TBXAS1: variants seen among roughly 807,000 people sequenced by gnomAD.
The protein encoded by TBXAS1 is thromboxane-A synthase.
A neutral mutation model predicts 60.7 loss-of-function variants in TBXAS1; 48 were observed. The observed-to-expected ratio is 0.79, with a 90% CI of 0.63 to 1.01. The LOEUF (loss-of-function observed/expected upper bound fraction) is 1.01, where lower values mean the gene tolerates loss of function less well. Ranked by LOEUF, TBXAS1 falls within the 50% of genes least tolerant of loss-of-function variation. TBXAS1 has a pLI of 0.00. For synonymous variants in TBXAS1, 287 were observed against 269.7 expected, an observed-to-expected ratio of 1.06 and a Z score of -0.63; for missense variants, 685 against 686.3, an observed-to-expected ratio of 1.00 and a Z score of 0.02.
intron 6 of TBXAS1, among the ~76,000 whole-genome samples, chr7:139,953,944 G>A (rs1365027424): frequency 6.6e-6 from 1 of 152,150 alleles, no homozygotes; most frequent in South Asian, 2.1e-4. Flanking sequence ...GCCACAAGCA[G>A]CCCAGGATGG....
chr7:139,885,869 A>G (rs924202205), intron 3 of TBXAS1, among the ~76,000 whole-genome samples: 15 of 152,322 alleles, frequency 9.8e-5, no homozygotes, highest in Non-Finnish European at 1.8e-4. Context: ...TTAACTCCAG[A>G]TACTAGTGTG....
chr7:139,934,201 T>C (rs146431545), intron 4 of TBXAS1, among the ~76,000 whole-genome samples: 69 of 152,288 alleles, frequency 4.5e-4, no homozygotes, highest in African/African-American at 1.6e-3. Context: ...TCTTTTGTTT[T>C]TTTTGAGATG....
intron 1 of TBXAS1, among the ~76,000 whole-genome samples, chr7:139,867,932 G>A (rs576379407): frequency 6.6e-6 from 1 of 152,302 alleles, no homozygotes; most frequent in South Asian, 2.1e-4. Flanking sequence ...TTTTGAGAAT[G>A]ATCCAGTGGC....
intron 4 of TBXAS1, among the ~76,000 whole-genome samples, chr7:139,929,163 A>C (rs1196422522): frequency 6.6e-6 from 1 of 152,246 alleles, no homozygotes; most frequent in Non-Finnish European, 1.5e-5. Context: ...GCCGCAAAAG[A>C]AATAGCACTC....
intron 9 of TBXAS1, among the ~76,000 whole-genome samples, chr7:139,989,534 A>G (rs551285617): frequency 6.6e-6 from 1 of 152,334 alleles, no homozygotes; most frequent in East Asian, 1.9e-4. Flanking sequence ...CACTAGCCAG[A>G]GCAATCTACC....
In TBXAS1 at chr7:140,007,123, C is replaced by G. The variant is rs760866236; in HGVS notation, c.1167C>G (p.Gly389=). The change falls in exon 10 of 13, where the codon GGC becomes GGG. Residue 389 remains glycine, a synonymous_variant. Coordinates refer to ENST00000448866, the MANE Select transcript of TBXAS1 (RefSeq NM_001061.7). ...MAPEFCSLEE[G]LPYLDMVIAE... ...CTGAGTTCTGCAGCCTCGAGGAAGGCCTGCCCTATCTGGACATGGTGATTG... is the reference window on the plus strand; with the variant it reads ...CTGAGTTCTGCAGCCTCGAGGAAGGGCTGCCCTATCTGGACATGGTGATTG... The G allele has an allele frequency of 8.1e-6, 13 of 1,614,056 alleles. No homozygotes were observed. In the Admixed American group the frequency reaches 8.3e-5, roughly 10 times the overall value.
At chr7:139,858,195 G>T (rs931806489) in intron 1 of TBXAS1, among the ~76,000 whole-genome samples, 2 of 152,164 alleles carry the variant, frequency 1.3e-5, no homozygotes, top group Non-Finnish European at 2.9e-5. Context: ...CTGTTCCAAG[G>T]CAGCAGCCTT....
At chr7:139,818,395 T>C (rs1486590025) in intron 4 of TBXAS1, among the ~76,000 whole-genome samples, 2 of 152,174 alleles carry the variant, frequency 1.3e-5, no homozygotes, top group African/African-American at 4.8e-5. Flanking sequence ...CTTGGCTAAA[T>C]GTTCAAGGTA....
intron 4 of TBXAS1, among the ~76,000 whole-genome samples, chr7:139,805,658 T>TTC (rs774594041): frequency 7.3e-6 from 1 of 136,998 alleles, no homozygotes; most frequent in Admixed American, 7.2e-5. Context: ...TCCCTTCTTT[T>TTC]TCTCTTTCTT....
At chr7:139,888,682 G>A (rs903580862) in intron 3 of TBXAS1, among the ~76,000 whole-genome samples, 4 of 152,166 alleles carry the variant, frequency 2.6e-5, no homozygotes, top group African/African-American at 9.7e-5. Flanking sequence ...GGTGGCCTGT[G>A]GAGAAGAGTG....
intron 4 of TBXAS1, among the ~76,000 whole-genome samples, chr7:139,816,950 C>T (rs1798163810): frequency 6.6e-6 from 1 of 152,128 alleles, no homozygotes; most frequent in Non-Finnish European, 1.5e-5. Context: ...AGAGAATTTT[C>T]CAGCAAGTAG....
At chr7:139,947,811 G>C (rs919809756) in intron 5 of TBXAS1, among the ~76,000 whole-genome samples, 1 of 152,096 alleles carries the variant, frequency 6.6e-6, no homozygotes, top group East Asian at 1.9e-4. Flanking sequence ...TGCAACCCCG[G>C]TCTTAGCTTG....
At chr7:139,856,010 C>A (rs1202525059) in intron 1 of TBXAS1, among the ~76,000 whole-genome samples, 1 of 152,172 alleles carries the variant, frequency 6.6e-6, no homozygotes, top group African/African-American at 2.4e-5. Context: ...AAGCAGAGAG[C>A]CTTTGTTGTG....
At chr7:139,821,303 A>G (rs1798288656) in intron 4 of TBXAS1, among the ~76,000 whole-genome samples, 1 of 152,198 alleles carries the variant, frequency 6.6e-6, no homozygotes, top group South Asian at 2.1e-4. Context: ...GCTGGTTGTC[A>G]GAGGATGTCC....
upstream of TBXAS1, among the ~76,000 whole-genome samples, chr7:139,825,092 A>G (rs1363763760): frequency 6.6e-6 from 1 of 151,208 alleles, no homozygotes; most frequent in Admixed American, 6.6e-5. Flanking sequence ...GCCTCCCAAA[A>G]TGCTGCGATT....
chr7:139,805,729 T>C (rs1797852738), intron 4 of TBXAS1, among the ~76,000 whole-genome samples: 1 of 113,568 alleles, frequency 8.8e-6, no homozygotes. Flanking sequence ...TCTCTCTCTC[T>C]CTTTCTTTCT....
intron 1 of TBXAS1, among the ~76,000 whole-genome samples, chr7:139,864,922 T>C (rs1368514782): frequency 6.6e-6 from 1 of 152,204 alleles, no homozygotes; most frequent in Non-Finnish European, 1.5e-5. Flanking sequence ...TTGATTTGGC[T>C]TCTCAAGTAC....
chr7:139,797,692 A>T (rs1797609014), intron 4 of TBXAS1, among the ~76,000 whole-genome samples: 2 of 152,252 alleles, frequency 1.3e-5, no homozygotes, highest in Non-Finnish European at 2.9e-5. Flanking sequence ...TGGGAGTGGG[A>T]TGGAGGAAAA....
chr7:139,979,320 G>A (rs1438287292), intron 9 of TBXAS1, among the ~76,000 whole-genome samples: 3 of 152,090 alleles, frequency 2.0e-5, no homozygotes. Context: ...TTTAACTTCA[G>A]CTTTAAGCAA....
Sources: allele counts gnomAD v4.1 joint callset (sites outside exome capture counted in the v4.1 genomes callset), GRCh38; gene constraint gnomAD v4.1.1; transcripts MANE v1.5; gene names NCBI Gene and HGNC (gene_info 2026-07-23, HGNC 2026-07-21).